The following AP2B1 variants were observed in gnomAD, a reference collection of about 807,000 sequenced individuals.
AP2B1 encodes AP-2 complex subunit beta.
In AP2B1, 23 loss-of-function variants were observed where a neutral mutation model predicts 102.0. The ratio of observed to expected loss-of-function variants is 0.23; its 90% CI spans 0.16 to 0.32. The LOEUF is 0.32. AP2B1 is among the 10% of genes least tolerant of loss of function. The pLI, the probability that AP2B1 is intolerant of heterozygous loss-of-function variation, is 1.00. For synonymous variants in AP2B1, 381 were observed against 421.2 expected (o/e 0.90, Z 1.17); for missense variants, 541 against 1,157.4 (o/e 0.47, Z 7.73).
Position 35,657,711 on chromosome 17 carries a change from G to A in AP2B1, c.1909G>A (p.Gly637Ser), listed in dbSNP as rs1337313119. Residue 637 changes from glycine to serine, a missense_variant, in exon 14 of 22, where the codon GGT becomes AGT. This residue lies in a region of AP2B1 where 27 missense variants were observed against 84.1 expected (regional missense o/e 0.32). Coordinates refer to ENST00000610402, the MANE Select transcript of AP2B1 (RefSeq NM_001030006.2). ...AGGGGATCTTTTAAACCTTGACCTC[G>A]GTCCCCCAGTCAATGTGCCACAGGT... ...LLGDLLNLDL[G>S]PPVNVPQVSS... 4.3e-6 allele frequency: 7 copies of A among 1,613,948 alleles called. No homozygotes were observed. The highest frequency in any genetic ancestry group is 5.1e-6 in the Non-Finnish European group (6 of 1,180,012).
At chr17:35,619,980 T>G (rs891961949) in intron 5 of AP2B1, among the ~76,000 whole-genome samples, 2 of 152,066 alleles carry the variant, frequency 1.3e-5, no homozygotes, top group Admixed American at 1.3e-4. Context: ...GAGACAGGGT[T>G]TCACCATGTT....
intron 17 of AP2B1, among the ~76,000 whole-genome samples, chr17:35,680,759 C>T (rs2075807447): frequency 6.8e-6 from 1 of 146,582 alleles, no homozygotes; most frequent in African/African-American, 2.5e-5. Context: ...TGCAGTGGCA[C>T]AATCTTGGCT....
chr17:35,675,336 G>T (rs1259127887), intron 17 of AP2B1, among the ~76,000 whole-genome samples: 2 of 152,158 alleles, frequency 1.3e-5, no homozygotes, highest in African/African-American at 2.4e-5. Flanking sequence ...CATAAAATTT[G>T]TCAATGACAA....
chr17:35,687,128 A>AT (rs1295753938), intron 18 of AP2B1, among the ~76,000 whole-genome samples: 2 of 151,752 alleles, frequency 1.3e-5, no homozygotes, highest in East Asian at 1.9e-4. Context: ...TTATTTATTT[A>AT]TTTTTTTTGA....
At chr17:35,630,420 C>T (rs889611768) in intron 9 of AP2B1, among the ~76,000 whole-genome samples, 6 of 152,182 alleles carry the variant, frequency 3.9e-5, no homozygotes, top group Admixed American at 1.3e-4. Flanking sequence ...ACATATCTTA[C>T]TAGCCGTCTA....
intron 16 of AP2B1, among the ~76,000 whole-genome samples, chr17:35,673,973 G>A (rs78460364): frequency 2.6e-5 from 4 of 152,112 alleles, no homozygotes; most frequent in South Asian, 2.1e-4. Context: ...AATTGAGAAC[G>A]ATCTCAAAAT....
intron 12 of AP2B1, among the ~76,000 whole-genome samples, chr17:35,650,252 C>T (rs1253868504): frequency 2.0e-5 from 3 of 151,790 alleles, no homozygotes; most frequent in Admixed American, 6.6e-5. Context: ...GCCTGGCTGG[C>T]CCTGATGATT....
At chr17:35,719,028 A>G (rs1362085188) in intron 21 of AP2B1, among the ~76,000 whole-genome samples, 1 of 152,130 alleles carries the variant, frequency 6.6e-6, no homozygotes, top group Non-Finnish European at 1.5e-5. Context: ...ACTGTCCTAA[A>G]CATAGTTTGT....
intron 12 of AP2B1, among the ~76,000 whole-genome samples, chr17:35,648,602 A>G (rs1167962364): frequency 6.6e-6 from 1 of 152,200 alleles, no homozygotes; most frequent in Non-Finnish European, 1.5e-5. Flanking sequence ...AAAATGGGCA[A>G]CAGTGAAAAT....
intron 18 of AP2B1, among the ~76,000 whole-genome samples, chr17:35,701,962 A>C (rs994939798): frequency 2.0e-5 from 3 of 152,212 alleles, no homozygotes; most frequent in Non-Finnish European, 4.4e-5. Context: ...AACCCAAGTG[A>C]GGTCAGAAAC....
At chr17:35,592,604 G>A (rs975105142) in intron 1 of AP2B1, among the ~76,000 whole-genome samples, 2 of 152,104 alleles carry the variant, frequency 1.3e-5, no homozygotes, top group African/African-American at 2.4e-5. Flanking sequence ...GTGCAGTGGC[G>A]TGATCTCGGC....
At chr17:35,657,099 C>T (rs1000717488) in intron 13 of AP2B1, among the ~76,000 whole-genome samples, 7 of 152,158 alleles carry the variant, frequency 4.6e-5, no homozygotes, top group African/African-American at 1.2e-4. Flanking sequence ...AAAACCATTC[C>T]GAGAAGCTTT....
Position 35,723,954 on chromosome 17 carries a change from GCTTCT to G in AP2B1, c.*257_*261del. 1 of 391,428 alleles carries G rather than the reference GCTTCT, an allele frequency of 2.6e-6. No individual in the cohort carries two copies. The highest frequency in any genetic ancestry group is 4.6e-6 in the Non-Finnish European group (1 of 216,252). 24.2% of individuals were successfully genotyped at this position (391,428 alleles called of 1,614,324 possible). On this transcript the variant is annotated 3_prime_UTR_variant, in exon 22 of 22. Transcript: ENST00000610402. ...TGCTGCTATCTGTCCTTACTTGTGG[GCTTCT>G]CCATGCTGTGCCAATGGCTGGCTTT...
At chr17:35,593,944 A>G in intron 1 of AP2B1, 64 bp from the exon 2 acceptor site, 1 of 836,582 alleles carries the variant, frequency 1.2e-6, no homozygotes, top group Non-Finnish European at 1.8e-6. Flanking sequence ...TGTTCTTAAA[A>G]TTAATTGGAT....
chr17:35,718,320 G>A (rs1170222933), intron 21 of AP2B1, among the ~76,000 whole-genome samples: 1 of 89,650 alleles, frequency 1.1e-5, no homozygotes, highest in East Asian at 3.2e-4. Flanking sequence ...AGCTGTGTGT[G>A]TGTGTGTGTG....
chr17:35,625,164 A>G (rs1212558187), intron 6 of AP2B1, among the ~76,000 whole-genome samples: 2 of 152,248 alleles, frequency 1.3e-5, no homozygotes, highest in African/African-American at 2.4e-5. Context: ...CTACACATAC[A>G]TACATTTTAG....
In AP2B1 at chr17:35,609,207, A is replaced by C. The variant is rs1473107651; in HGVS notation, c.525+820A>C. ...CTATCTATTTATTTATTTTTTACAG[A>C]TAGGATCTTGCTCTGTGGCCAAGCT... On this transcript the variant is annotated intron_variant, in intron 5 of 21. Transcript: ENST00000610402. Among the ~76,000 whole-genome samples the C allele has an allele frequency of 2.0e-5, 3 of 152,270 alleles. No individual in the cohort carries two copies. The East Asian group carries it at 5.8e-4, about 29-fold the overall frequency.
intron 14 of AP2B1, among the ~76,000 whole-genome samples, chr17:35,661,664 G>A (rs905236438): frequency 6.6e-6 from 1 of 152,144 alleles, no homozygotes; most frequent in Non-Finnish European, 1.5e-5. Flanking sequence ...GCCATAATTG[G>A]AGACCGAAAA....
chr17:35,591,369 C>T (rs552809016), intron 1 of AP2B1, among the ~76,000 whole-genome samples: 6 of 151,924 alleles, frequency 3.9e-5, no homozygotes, highest in Non-Finnish European at 7.4e-5. Flanking sequence ...GACGGAGTTT[C>T]GCCACGTTCC....
Sources: allele counts gnomAD v4.1 joint callset (sites outside exome capture counted in the v4.1 genomes callset), GRCh38; gene constraint gnomAD v4.1.1; regional missense constraint gnomAD v4.1.1; transcripts MANE v1.5; gene names NCBI Gene and HGNC (gene_info 2026-07-23, HGNC 2026-07-21).